The following MYCBPAP variants were observed in gnomAD, a reference collection of about 807,000 sequenced individuals.
MYCBPAP encodes the protein MYCBP associated protein.
In MYCBPAP, 60 loss-of-function variants were observed where a neutral mutation model predicts 106.1. The observed-to-expected ratio is 0.57, with a 90% confidence interval of 0.46 to 0.70. MYCBPAP has a LOEUF of 0.70. Among genes scored for constraint, MYCBPAP ranks in the 30% least tolerant of loss-of-function variants. The pLI, the probability that MYCBPAP is intolerant of heterozygous loss-of-function variation, is 0.00. For synonymous variants in MYCBPAP, 407 were observed against 440.6 expected (o/e 0.92, Z 0.95); for missense variants, 1,064 against 1,169.3 (o/e 0.91, Z 1.31).
At chr17:50,527,859 C>A (rs554540914) in intron 15 of MYCBPAP, among the ~76,000 whole-genome samples, 1 of 152,188 alleles carries the variant, frequency 6.6e-6, no homozygotes, top group Admixed American at 6.5e-5. Flanking sequence ...CCCTCCAGTG[C>A]GACTGGACCC....
intron 1 of MYCBPAP, chr17:50,510,495 G>GTATATATATA (rs1320539341): frequency 3.4e-4 from 32 of 93,030 alleles, no homozygotes; most frequent in Non-Finnish European, 5.1e-4. Context: ...GTGTGTGTGT[G>GTATATATATA]TGTGTATATA....
rs775815100 is a variant in MYCBPAP, at chr17:50,526,282, C to CTGGAAGG, written c.2169+16_2169+22dup. 1 of 1,577,944 alleles carries CTGGAAGG rather than the reference C, an allele frequency of 6.3e-7. No homozygotes were observed. The highest frequency in any genetic ancestry group is 1.8e-5 in the Admixed American group (1 of 54,084). ...ACTTCAGAAAGGTGCTTCCAAGACC[C>CTGGAAGG]TGGAAGGCAATGGTAGAGAATATTC... is the stretch of plus-strand genomic sequence containing the variant. On this transcript the variant is annotated intron_variant, in intron 14 of 18. Coordinates refer to ENST00000323776, the MANE Select transcript of MYCBPAP (RefSeq NM_032133.6).
chr17:50,527,487 G>A, intron 15 of MYCBPAP, 79 bp downstream of exon 15: 4 of 1,566,162 alleles, frequency 2.6e-6, no homozygotes, highest in South Asian at 1.2e-5. Flanking sequence ...GCAGTCCTGG[G>A]ACTCCAGGGG....
intron 1 of MYCBPAP, among the ~76,000 whole-genome samples, chr17:50,512,879 G>C (rs184629249): frequency 1.3e-5 from 2 of 152,030 alleles, no homozygotes; most frequent in Non-Finnish European, 2.9e-5. Context: ...TTTGAGACCA[G>C]CCTGGCCAAC....
chr17:50,521,546 C>A, intron 9 of MYCBPAP, 115 bp downstream of exon 9: 1 of 765,384 alleles, frequency 1.3e-6, no homozygotes. Context: ...AGCTTCTGTC[C>A]AGTGGTTGCC....
Position 50,523,067 on chromosome 17 carries a change from G to A in MYCBPAP, c.1386G>A (p.Pro462=), listed in dbSNP as rs138678356. The A allele has an allele frequency of 1.3e-4, 217 of 1,614,022 alleles. No homozygotes were observed. The African/African-American group carries it at 2.5e-3, about 19-fold the overall frequency. Residue 462 remains proline (P), a synonymous_variant, in exon 11 of 19, where the codon CCG becomes CCA. Transcript: ENST00000323776. ...ATGACTGGCGACGGCAGCACCAGCC[G>A]GACACTTTCCAAGACCTTAAGAAAA... The part of the protein sequence containing the change: ...IWYDWRRQHQ[P]DTFQDLKKNR...
intron 11 of MYCBPAP, 65 bp from the exon 12 acceptor site, chr17:50,523,532 G>T: frequency 3.9e-6 from 6 of 1,531,754 alleles, no homozygotes; most frequent in Non-Finnish European, 5.4e-6. Context: ...GCATGTAGGA[G>T]CATGTAGGCC....
chr17:50,510,266 C>T (rs996030296), intron 1 of MYCBPAP: 5 of 151,856 alleles, frequency 3.3e-5, no homozygotes, highest in African/African-American at 1.2e-4. Flanking sequence ...TGGTGCACAT[C>T]TGCAGTCTCA....
At chr17:50,513,622 A>G (rs181937334) in intron 1 of MYCBPAP, among the ~76,000 whole-genome samples, 112 of 152,338 alleles carry the variant, frequency 7.4e-4, no homozygotes, top group Non-Finnish European at 5.6e-4. Flanking sequence ...GGCAGTGTTG[A>G]AAGTTTCTAT....
In MYCBPAP at chr17:50,524,911, T is replaced by C; in HGVS notation, c.1670T>C (p.Val557Ala). ...ACTGCCCATGAGGCAGTCACCGTCG[T>C]TCGCGAAGTGCTGCAGGAGCTGCTG... ...KLTAHEAVTV[V>A]REVLQELLMG... The change falls in exon 13 of 19, where the codon GTT (valine) becomes GCT (alanine). Residue 557 changes from valine (V) to alanine (A), a missense_variant. Val to Ala is a moderately conservative substitution (Grantham distance 64). Coordinates refer to ENST00000323776, the MANE Select transcript of MYCBPAP (RefSeq NM_032133.6). 1 of 1,614,014 alleles carries C rather than the reference T, an allele frequency of 6.2e-7. No homozygotes were observed. The highest frequency in any genetic ancestry group is 2.2e-5 in the East Asian group (1 of 44,884).
chr17:50,508,648 C>G lies in MYCBPAP; in HGVS notation c.-27C>G, dbSNP rs2033705377. 1 of 1,591,576 alleles carries G rather than the reference C, an allele frequency of 6.3e-7. No homozygotes were observed. Among genetic ancestry groups the G allele is most frequent in the Non-Finnish European group, 8.6e-7 (1 of 1,166,706 alleles). ...GTGTCTCTGGGCCGGCGGTGCAGGG[C>G]AACGTTTCATGGTGCCGGGCGGCAC... On this transcript the variant is annotated 5_prime_UTR_variant, in exon 1 of 19. Coordinates refer to ENST00000323776, the MANE Select transcript of MYCBPAP (RefSeq NM_032133.6).
At position 50,529,050 on chromosome 17, in the gene MYCBPAP, G is replaced by T; in HGVS notation, c.2586G>T (p.Lys862Asn). ...CCAACAGCAAGAAGCACAAGGCAAA[G>T]GATGACAAGAAAGTCATAAAATCTG... ...DRPNSKKHKAKDDKKVIKSAS... is the reference protein window; with the variant it reads ...DRPNSKKHKANDDKKVIKSAS... Residue 862 changes from lysine (K) to asparagine (N), a missense_variant, in exon 18 of 19, where the codon AAG becomes AAT. Transcript: ENST00000323776. 6.2e-7 allele frequency: 1 copy of T among 1,614,132 alleles called. No homozygotes were observed. The highest frequency in any genetic ancestry group is 8.5e-7 in the Non-Finnish European group (1 of 1,180,024).
chr17:50,523,941 G>A (rs2034368196), intron 12 of MYCBPAP, among the ~76,000 whole-genome samples, 157 bp downstream of exon 12: 2 of 152,226 alleles, frequency 1.3e-5, no homozygotes, highest in Non-Finnish European at 2.9e-5. Context: ...ACACTTCCCA[G>A]GGCTTGTGAT....
At chr17:50,523,526 G>A (rs377455815) in intron 11 of MYCBPAP, 71 bp from the exon 12 acceptor site, 1 of 1,506,060 alleles carries the variant, frequency 6.6e-7, no homozygotes, top group African/African-American at 1.4e-5. Flanking sequence ...TTAACTGCAT[G>A]TAGGAGCATG....
chr17:50,531,313 T>C lies in MYCBPAP; in HGVS notation c.2725-14T>C, dbSNP rs2034635103. The C allele has an allele frequency of 6.3e-7, 1 of 1,596,190 alleles. No individual in the cohort carries two copies. Among genetic ancestry groups the C allele is most frequent in the Admixed American group, 1.7e-5 (1 of 58,678 alleles). On this transcript the variant is annotated splice_polypyrimidine_tract_variant and intron_variant, in intron 18 of 18. Coordinates refer to ENST00000323776, the MANE Select transcript of MYCBPAP (RefSeq NM_032133.6). ...AGAGTAAACTCTGCCTGTGATGTTG[T>C]CCCGTTCTTCCAGGTCCGTGGGCTG...
At chr17:50,511,845 C>T (rs1289857366) in intron 1 of MYCBPAP, among the ~76,000 whole-genome samples, 5 of 152,118 alleles carry the variant, frequency 3.3e-5, no homozygotes, top group African/African-American at 1.2e-4. Flanking sequence ...CCCTGGGGCT[C>T]TTCCTTCCCT....
At chr17:50,528,081 A>T in intron 15 of MYCBPAP, 74 bp from the exon 16 acceptor site, 3 of 1,269,460 alleles carry the variant, frequency 2.4e-6, no homozygotes, top group Non-Finnish European at 3.4e-6. Context: ...CTTTGAAGGG[A>T]GGGACCCAAG....
rs2034551157 is a variant in MYCBPAP, at chr17:50,529,024, C to T, written c.2560C>T (p.Pro854Ser). Reference protein sequence around the residue: ...GAKLLGKEDRPNSKKHKAKDD... With the variant: ...GAKLLGKEDRSNSKKHKAKDD... The stretch of plus-strand genomic sequence containing the variant: ...TGTCTCCCTCCCCCAGCAGGACCGT[C>T]CCAACAGCAAGAAGCACAAGGCAAA... The change falls in exon 18 of 19, where the codon CCC becomes TCC. Residue 854 changes from proline to serine, a missense_variant. Pro to Ser is a moderately conservative substitution (Grantham distance 74). Transcript: ENST00000323776. 6.2e-7 allele frequency: 1 copy of T among 1,613,844 alleles called. No homozygotes were observed. Among genetic ancestry groups the T allele is most frequent in the Non-Finnish European group, 8.5e-7 (1 of 1,179,862 alleles).
intron 2 of MYCBPAP, 90 bp downstream of exon 2, chr17:50,516,787 A>G: frequency 6.9e-7 from 1 of 1,453,262 alleles, no homozygotes. Flanking sequence ...GTCCCTACTC[A>G]TGGGGAGTGT....
Sources: allele counts gnomAD v4.1 joint callset (sites outside exome capture counted in the v4.1 genomes callset), GRCh38; gene constraint gnomAD v4.1.1; transcripts MANE v1.5; gene names NCBI Gene and HGNC (gene_info 2026-07-23, HGNC 2026-07-21).